TRMT2B: variants seen among roughly 807,000 people sequenced by gnomAD.
The protein encoded by TRMT2B is tRNA methyltransferase 2B.
A neutral mutation model predicts 39.7 loss-of-function variants in TRMT2B; 34 were observed. The ratio of observed to expected loss-of-function variants is 0.86; its 90% CI spans 0.65 to 1.14. TRMT2B has a LOEUF of 1.14. Among genes scored for constraint, TRMT2B ranks in the 50% most tolerant of loss-of-function variants. TRMT2B has a pLI of 0.00. For synonymous variants in TRMT2B, 132 were observed against 137.3 expected (o/e 0.96, Z 0.27); for missense variants, 318 against 377.2 (o/e 0.84, Z 1.30).
At chrX:101,025,444 T>C (rs1019351688) in intron 7 of TRMT2B, among the ~76,000 whole-genome samples, 4 of 111,566 alleles carry the variant, frequency 3.6e-5, no homozygotes, top group Non-Finnish European at 5.6e-5. Flanking sequence ...TCTGATTTAC[T>C]AGGTCCTTTT....
chrX:100,977,812 C>T, the TRMT2B span, among the ~76,000 whole-genome samples: 4 of 112,186 alleles, frequency 3.6e-5, no homozygotes, highest in South Asian at 7.5e-4. Context: ...TTGTTCTGCC[C>T]GTGTTGCTGC....
chrX:101,050,417 T>C (rs2088987422), intron 2 of TRMT2B, among the ~76,000 whole-genome samples: 1 of 112,813 alleles, frequency 8.9e-6, no homozygotes, highest in South Asian at 3.6e-4. Context: ...TTTTTATATT[T>C]TGTCCTGTTT....
chrX:100,988,385 G>T, the TRMT2B span: 1 of 1,206,098 alleles, frequency 8.3e-7, no homozygotes. Context: ...CAGAAAGAAG[G>T]TACGAGATTA....
At chrX:100,999,954 A>C in the TRMT2B span, among the ~76,000 whole-genome samples, 203 of 111,419 alleles carry the variant, frequency 1.8e-3, no homozygotes, top group African/African-American at 6.3e-3. Context: ...TGAAACTCCA[A>C]ATCTGAAAAG....
intron 9 of TRMT2B, 96 bp downstream of exon 9, chrX:101,021,872 C>A: frequency 1.6e-6 from 1 of 639,767 alleles, no homozygotes; most frequent in Non-Finnish European, 2.6e-6. Context: ...AACCATTTAG[C>A]CAATATCCTC....
At chrX:101,033,031 G>A (rs993341262) in intron 7 of TRMT2B, among the ~76,000 whole-genome samples, 15 of 110,277 alleles carry the variant, frequency 1.4e-4, no homozygotes, top group East Asian at 5.7e-4. Flanking sequence ...CAAGGTGGAC[G>A]AATCACCTGA....
chrX:101,021,346 G>C, intron 9 of TRMT2B, 31 bp from the exon 10 acceptor site: 1 of 1,158,163 alleles, frequency 8.6e-7, no homozygotes, highest in Non-Finnish European at 1.2e-6. Flanking sequence ...AAAGCATCTT[G>C]AGCTGTGAGC....
chrX:100,996,060 G>A, the TRMT2B span, among the ~76,000 whole-genome samples: 1 of 108,739 alleles, frequency 9.2e-6, no homozygotes, highest in African/African-American at 3.3e-5. Flanking sequence ...CACTGATAAT[G>A]TGGTTCAGGG....
At chrX:101,002,593 A>T in the TRMT2B span, among the ~76,000 whole-genome samples, 1 of 111,006 alleles carries the variant, frequency 9.0e-6, no homozygotes, top group East Asian at 2.8e-4. Context: ...CAGCCTGGCC[A>T]ACATGGTGAA....
chrX:101,012,507 G>A (rs1162571702), intron 13 of TRMT2B, among the ~76,000 whole-genome samples: 1 of 88,996 alleles, frequency 1.1e-5, no homozygotes, highest in Non-Finnish European at 2.1e-5. Flanking sequence ...AGAGTGTGAT[G>A]GTCCCCTTCC....
At chrX:101,003,040 AAGT>A in the TRMT2B span, among the ~76,000 whole-genome samples, 1 of 106,059 alleles carries the variant, frequency 9.4e-6, no homozygotes, top group African/African-American at 3.5e-5. Flanking sequence ...CCAGACCCCC[AAGT>A]AGTTGAAAAT....
At chrX:101,005,549 C>G (rs1192837202), downstream of TRMT2B, among the ~76,000 whole-genome samples, 1 of 104,867 alleles carries the variant, frequency 9.5e-6, no homozygotes, top group Non-Finnish European at 1.9e-5. Flanking sequence ...GTCGCTAAGT[C>G]AGTACACTGT....
chrX:101,045,971 C>T (rs1285526850), intron 2 of TRMT2B, among the ~76,000 whole-genome samples: 1 of 107,427 alleles, frequency 9.3e-6, no homozygotes, highest in African/African-American at 3.4e-5. Flanking sequence ...CATGGTGAAA[C>T]CCCGCCTCTA....
At chrX:101,036,139 T>C (rs1322107337) in intron 6 of TRMT2B, among the ~76,000 whole-genome samples, 3 of 111,542 alleles carry the variant, frequency 2.7e-5, no homozygotes, top group African/African-American at 9.8e-5. Context: ...TTATTGAAAA[T>C]GGGCAAACAG....
rs7880415 is a variant in TRMT2B, at chrX:101,018,505, C to T, written c.1388+466G>A. Among the ~76,000 whole-genome samples the T allele has an allele frequency of 3.1e-3, 328 of 106,315 alleles. 2 individuals carry two copies. Among genetic ancestry groups the T allele is most frequent in the African/African-American group, 0.011 (315 of 28,988 alleles). The allele number at this position is 106,315 out of a possible 115,157, so 92.3% of individuals were successfully genotyped here. ...TCGCCCAGGCTGGAGTGCAATGGCG[C>T]GATCTTGGCTCTTGGCTCACTGCAA... On this transcript the variant is annotated intron_variant, in intron 13 of 13. Transcript: ENST00000372936.
chrX:100,981,385 G>A, the TRMT2B span, among the ~76,000 whole-genome samples: 1 of 111,336 alleles, frequency 9.0e-6, no homozygotes, highest in African/African-American at 3.3e-5. Flanking sequence ...TACAATCACT[G>A]CACTCTCTCT....
chrX:101,016,493 T>C (rs1309102269), intron 13 of TRMT2B, among the ~76,000 whole-genome samples: 1 of 110,087 alleles, frequency 9.1e-6, no homozygotes, highest in Non-Finnish European at 1.9e-5. Flanking sequence ...TTTTTTTTTT[T>C]TGAGACAGGG....
chrX:101,010,553 A>G lies in TRMT2B; in HGVS notation c.*28T>C. On this transcript the variant is annotated 3_prime_UTR_variant, in exon 14 of 14. Transcript: ENST00000372936. ...AGTTTCTGAAACTTCAGCCTTAACA[A>G]ATAGCCTGCTGTCTTCTAGGAGGCT... 1 of 1,207,857 alleles carries G rather than the reference A, an allele frequency of 8.3e-7. No homozygotes were observed. Among genetic ancestry groups the G allele is most frequent in the South Asian group, 1.8e-5 (1 of 56,558 alleles).
rs2087937984 is a variant in TRMT2B, at chrX:101,037,928, T to C, written c.427A>G (p.Ile143Val). ...AGGTGGGGGCTTACAGAGGGTATAATAGGATGGAGAAGACAAGAGAGCCTC... is the reference window on the plus strand; with the variant it reads ...AGGTGGGGGCTTACAGAGGGTATAACAGGATGGAGAAGACAAGAGAGCCTC... ...SERLSCLLHP[I>V]IPSPVINGYR... is the part of the protein sequence containing the mutation. The change falls in exon 5 of 14, where the codon ATT becomes GTT. Residue 143 changes from isoleucine to valine, a missense_variant. Transcript: ENST00000372936. The C allele has an allele frequency of 1.7e-6, 2 of 1,208,083 alleles. No individual in the cohort carries two copies. The highest frequency in any genetic ancestry group is 2.2e-5 in the Admixed American group (1 of 45,389).
Sources: gnomAD v4.1 joint callset for allele counts (sites outside exome capture counted in the v4.1 genomes callset) on GRCh38, gnomAD v4.1.1 for gene constraint, MANE v1.5 for transcripts, NCBI Gene and HGNC (gene_info 2026-07-23, HGNC 2026-07-21) for gene names.